The following CDH3 variants were observed in gnomAD, a reference collection of about 807,000 sequenced individuals.
The protein encoded by CDH3 is cadherin-3.
In CDH3, 54 loss-of-function variants were observed where a neutral mutation model predicts 82.0. The observed-to-expected ratio is 0.66, with a 90% confidence interval of 0.53 to 0.83. The LOEUF is 0.83. Among genes scored for constraint, CDH3 ranks in the 40% least tolerant of loss-of-function variants. The probability of loss-of-function intolerance (pLI) is 0.00; values close to 1 mark genes in which losing one functional copy is unlikely to be tolerated. For missense variants in CDH3, 1,054 were observed against 1,084.6 expected, an observed-to-expected ratio of 0.97 and a Z score of 0.40; for synonymous variants, 446 against 437.9, an observed-to-expected ratio of 1.02 and a Z score of -0.23.
chr16:68,686,038 G>A (rs925260172), intron 11 of CDH3, among the ~76,000 whole-genome samples: 4 of 152,144 alleles, frequency 2.6e-5, no homozygotes, highest in African/African-American at 4.8e-5. Flanking sequence ...AGTTAGGGCC[G>A]GGCATGGTGA....
chr16:68,688,142 AGGC>A (rs1961467948), intron 12 of CDH3, among the ~76,000 whole-genome samples: 5 of 151,068 alleles, frequency 3.3e-5, no homozygotes, highest in African/African-American at 1.2e-4. Flanking sequence ...CTACACAGGA[AGGC>A]GGTTGGGCTA....
intron 12 of CDH3, among the ~76,000 whole-genome samples, chr16:68,689,535 C>T (rs183229150): frequency 7.4e-5 from 9 of 121,302 alleles, no homozygotes; most frequent in African/African-American, 2.7e-4. Flanking sequence ...GACTCTGTCT[C>T]AGAAAAATTA....
chr16:68,660,832 G>A (rs1163603027), intron 2 of CDH3, among the ~76,000 whole-genome samples: 1 of 152,128 alleles, frequency 6.6e-6, no homozygotes, highest in Non-Finnish European at 1.5e-5. Context: ...AGTGGCAGGC[G>A]CCTGTAGTCC....
chr16:68,696,360 G>A (rs566307067), intron 15 of CDH3: 36 of 317,598 alleles, frequency 1.1e-4, no homozygotes, highest in Admixed American at 4.2e-4. Flanking sequence ...AGAGGTTGCA[G>A]TGAGCCGACA....
At chr16:68,669,511 G>A (rs1174931130) in intron 2 of CDH3, among the ~76,000 whole-genome samples, 1 of 152,004 alleles carries the variant, frequency 6.6e-6, no homozygotes, top group Non-Finnish European at 1.5e-5. Context: ...CCATGTAACA[G>A]TGGAAATATG....
intron 2 of CDH3, among the ~76,000 whole-genome samples, chr16:68,673,514 A>G (rs1253789620): frequency 4.7e-5 from 7 of 150,440 alleles, no homozygotes; most frequent in African/African-American, 2.5e-5. Context: ...GCTGGAGTAC[A>G]GTGGCGCAGT....
At chr16:68,731,047 A>T (rs12923729), downstream of CDH3, among the ~76,000 whole-genome samples, 469 of 25,826 alleles carry the variant, frequency 0.018, 15 homozygotes, top group African/African-American at 0.036. Flanking sequence ...AAAAAAAAAA[A>T]ATATATATAT....
At position 68,646,088 on chromosome 16, in the gene CDH3, C is replaced by T. The variant is rs1348030121; in HGVS notation, c.160+338C>T. The T allele has an allele frequency of 1.8e-5, 6 of 339,678 alleles. No individual in the cohort carries two copies. The Admixed American group carries it at 2.7e-4, about 15-fold the overall frequency. 21.0% of individuals were successfully genotyped at this position (339,678 alleles called of 1,614,324 possible). On this transcript the variant is annotated intron_variant, in intron 2 of 15. Transcript: ENST00000264012. ...AGAGGAATGCGCCGGCCACATTCTTCCCCCAACCCGCGCGCAGGTGTGGGG... is the reference window on the plus strand; with the variant it reads ...AGAGGAATGCGCCGGCCACATTCTTTCCCCAACCCGCGCGCAGGTGTGGGG...
downstream of CDH3, among the ~76,000 whole-genome samples, chr16:68,704,061 C>T (rs1597825698): frequency 6.6e-6 from 1 of 151,792 alleles, no homozygotes; most frequent in Non-Finnish European, 1.5e-5. Flanking sequence ...CCGAGGCGGG[C>T]GGATCACGAG....
Position 68,684,751 on chromosome 16 carries a change from G to A in CDH3, c.1351G>A (p.Glu451Lys). Residue 451 changes from glutamate to lysine, a missense_variant, in exon 10 of 16, where the codon GAG (glutamate) becomes AAG (lysine). Transcript: ENST00000264012. Reference protein sequence around the residue: ...VPPSKVVEVQEGIPTGEPVCV... With the variant: ...VPPSKVVEVQKGIPTGEPVCV... ...ACCCTCCAAAGTCGTTGAGGTCCAG[G>A]AGGGCATCCCCACTGGGGAGCCTGT... 8 of 1,614,160 alleles carry A rather than the reference G, an allele frequency of 5.0e-6. No individual in the cohort carries two copies. The highest frequency in any genetic ancestry group is 5.9e-6 in the Non-Finnish European group (7 of 1,180,002).
intron 1 of CDH3, among the ~76,000 whole-genome samples, chr16:68,710,974 G>A (rs1434114621): frequency 2.1e-5 from 2 of 96,688 alleles, no homozygotes; most frequent in South Asian, 5.6e-4. Context: ...GGGAAGGAGG[G>A]GGGAGGGGGG....
rs527503992 is a variant in CDH3, at chr16:68,690,620, A to T, written c.1796-1100A>T. On this transcript the variant is annotated intron_variant, in intron 12 of 15. Transcript: ENST00000264012. ...AGAGCAAGACTCTGTCTAAAAAAAA[A>T]ATTGAAGGCCGGGCACCGTGGCTCA... Among the ~76,000 whole-genome samples the T allele has an allele frequency of 4.3e-5, 6 of 139,574 alleles. No individual in the cohort carries two copies. The South Asian group carries it at 1.4e-3, about 32-fold the overall frequency. The allele number at this position is 139,574 out of a possible 152,430, so 91.6% of individuals were successfully genotyped here.
chr16:68,725,305 G>A (rs878862162), intron 2 of CDH3, among the ~76,000 whole-genome samples: 3 of 151,862 alleles, frequency 2.0e-5, no homozygotes, highest in Admixed American at 6.6e-5. Flanking sequence ...TTGCACTCCC[G>A]TCTGCCATGT....
chr16:68,694,312 C>CAAAAAAA (rs1162877121), intron 13 of CDH3, among the ~76,000 whole-genome samples: 1 of 74,718 alleles, frequency 1.3e-5, no homozygotes, highest in African/African-American at 5.6e-5. Flanking sequence ...GACTCCCTCT[C>CAAAAAAA]AAAAAAAAAA....
intron 2 of CDH3, among the ~76,000 whole-genome samples, chr16:68,724,519 C>T (rs533854783): frequency 2.2e-4 from 33 of 151,552 alleles, no homozygotes; most frequent in Admixed American, 1.9e-3. Flanking sequence ...CTCAGCTACT[C>T]GGGAGGCTGA....
At chr16:68,694,082 C>A (rs1372988379) in intron 13 of CDH3, among the ~76,000 whole-genome samples, 1 of 151,950 alleles carries the variant, frequency 6.6e-6, no homozygotes, top group Non-Finnish European at 1.5e-5. Context: ...TGGTGAAACC[C>A]CGTCTCTACT....
chr16:68,707,619 C>T lies in CDH3; in HGVS notation c.99+11696C>T, dbSNP rs1024806615. 5.9e-5 allele frequency among the ~76,000 whole-genome samples: 9 copies of T among 152,128 alleles called. No individual in the cohort carries two copies. Among genetic ancestry groups the T allele is most frequent in the African/African-American group, 2.2e-4 (9 of 41,424 alleles). ...AGGCTGCAGATGTGGGAGTGACTCACCACCCTGGCCTCTCAGTGGGCTGAA... is the reference window on the plus strand; with the variant it reads ...AGGCTGCAGATGTGGGAGTGACTCATCACCCTGGCCTCTCAGTGGGCTGAA... On this transcript the variant is annotated intron_variant, in intron 1 of 2. Coordinates refer to the CDH3 transcript ENST00000569080. This position sits in a 1 kb window ranked among gnomAD's most constrained non-coding sequence, Gnocchi z 4.5.
chr16:68,700,417 G>T (rs12051260), downstream of CDH3: 84,726 of 152,120 alleles, frequency 0.56, 23,942 homozygotes, highest in Middle Eastern at 0.62. Context: ...CCCTCCGTGG[G>T]ATGCTCCTGC....
downstream of CDH3, among the ~76,000 whole-genome samples, chr16:68,702,681 A>G (rs548200341): frequency 1.2e-4 from 18 of 152,198 alleles, no homozygotes; most frequent in South Asian, 3.5e-3. Flanking sequence ...CCTGGCCAAC[A>G]TGGTGAAACC....
Sources: gnomAD v4.1 joint callset for allele counts (sites outside exome capture counted in the v4.1 genomes callset) on GRCh38, gnomAD v4.1.1 for gene constraint, Gnocchi (gnomAD v3.1) non-coding constraint, MANE v1.5 for transcripts, NCBI Gene and HGNC (gene_info 2026-07-23, HGNC 2026-07-21) for gene names.